Variants in BICC1 observed in about 807,000 individuals in gnomAD.
BICC1 encodes the protein BicC family RNA binding protein 1, also known as protein bicaudal C homolog 1.
A neutral mutation model predicts 111.0 loss-of-function variants in BICC1; 43 were observed. That is an observed-to-expected ratio of 0.39 (90% CI 0.30 to 0.50). BICC1 has a LOEUF of 0.50. Ranked by LOEUF, BICC1 falls within the 20% of genes least tolerant of loss-of-function variation. The pLI is 0.88. For synonymous variants in BICC1, 467 were observed against 434.4 expected (o/e 1.07, Z -0.93); for missense variants, 1,091 against 1,203.2 (o/e 0.91, Z 1.38).
At chr10:58,770,021 GTTTTAA>G (rs1484108098) in intron 3 of BICC1, among the ~76,000 whole-genome samples, 2 of 152,076 alleles carry the variant, frequency 1.3e-5, no homozygotes, top group Non-Finnish European at 1.5e-5. Flanking sequence ...GGTTCTTACA[GTTTTAA>G]TTATAATTGC....
At chr10:58,521,588 T>C (rs896116250) in intron 1 of BICC1, among the ~76,000 whole-genome samples, 2 of 152,056 alleles carry the variant, frequency 1.3e-5, no homozygotes, top group African/African-American at 2.4e-5. Flanking sequence ...CTGCTCCTTA[T>C]ACCTGCGGTT....
chr10:58,730,138 A>G (rs1229912507), intron 3 of BICC1, among the ~76,000 whole-genome samples: 2 of 152,230 alleles, frequency 1.3e-5, no homozygotes, highest in East Asian at 1.9e-4. Context: ...TACTTCCAAG[A>G]TACAATGAAG....
intron 1 of BICC1, among the ~76,000 whole-genome samples, chr10:58,600,005 G>A (rs1844974962): frequency 6.6e-6 from 1 of 151,760 alleles, no homozygotes. Context: ...CTTTTTGGAA[G>A]TTATTTGGAC....
intron 2 of BICC1, among the ~76,000 whole-genome samples, chr10:58,625,557 G>A (rs1169964283): frequency 2.0e-5 from 3 of 151,996 alleles, no homozygotes; most frequent in Non-Finnish European, 4.4e-5. Flanking sequence ...TGAATATATT[G>A]GATGTTTATT....
intron 3 of BICC1, among the ~76,000 whole-genome samples, chr10:58,763,351 T>C (rs1842371185): frequency 6.6e-6 from 1 of 152,302 alleles, no homozygotes; most frequent in East Asian, 1.9e-4. Context: ...ATTTTAAAAC[T>C]GTGAGAGTAT....
rs566385435 is a variant in BICC1 at position 58,614,158 on chromosome 10, G to A, written c.191-6697G>A. 5.9e-5 allele frequency among the ~76,000 whole-genome samples: 9 copies of A among 152,244 alleles called. No individual in the cohort carries two copies. In the South Asian group the frequency reaches 1.9e-3, roughly 32 times the overall value. On this transcript the variant is annotated intron_variant, in intron 1 of 20. Transcript: ENST00000373886. ...AGAAGAATCCGTGTTTGGGGGAAGA[G>A]AAGAAGACTTTTAGTGAAATGTCAC... is the stretch of plus-strand genomic sequence containing the variant.
chr10:58,715,947 A>G, intron 3 of BICC1: 8 of 1,375,444 alleles, frequency 5.8e-6, no homozygotes, highest in African/African-American at 1.4e-5. Flanking sequence ...GAAAATGAAG[A>G]AAGAAAAAGA....
chr10:58,558,026 C>T (rs1438045897), intron 1 of BICC1, among the ~76,000 whole-genome samples: 3 of 152,040 alleles, frequency 2.0e-5, no homozygotes, highest in African/African-American at 4.8e-5. Flanking sequence ...TCAGGTAGGA[C>T]CAGAGCAGCA....
chr10:58,799,326 C>A, intron 12 of BICC1, 74 bp downstream of exon 12: 2 of 1,227,328 alleles, frequency 1.6e-6, no homozygotes, highest in Non-Finnish European at 2.2e-6. Context: ...AAAGTTAAAA[C>A]ATGCTAGAAT....
intron 3 of BICC1, among the ~76,000 whole-genome samples, chr10:58,709,397 A>T (rs890433488): frequency 6.6e-6 from 1 of 152,238 alleles, no homozygotes; most frequent in African/African-American, 2.4e-5. Context: ...GTGCAAACAT[A>T]CACCTGTGCA....
intron 3 of BICC1, among the ~76,000 whole-genome samples, chr10:58,730,559 C>T (rs1469910193): frequency 6.6e-6 from 1 of 152,212 alleles, no homozygotes; most frequent in Non-Finnish European, 1.5e-5. Context: ...TTCTCCTCCA[C>T]ACTACCCTAT....
intron 8 of BICC1, among the ~76,000 whole-genome samples, chr10:58,791,307 A>G (rs1843168307): frequency 6.6e-6 from 1 of 152,236 alleles, no homozygotes; most frequent in South Asian, 2.1e-4. Flanking sequence ...ATTAATGCAC[A>G]TTTATACTTT....
intron 3 of BICC1, among the ~76,000 whole-genome samples, chr10:58,751,435 C>T (rs976580744): frequency 6.6e-6 from 1 of 152,100 alleles, no homozygotes; most frequent in Non-Finnish European, 1.5e-5. Flanking sequence ...TAAAAACTAT[C>T]AGCTGTTAAT....
At chr10:58,600,340 G>A (rs1375979599) in intron 1 of BICC1, among the ~76,000 whole-genome samples, 1 of 152,102 alleles carries the variant, frequency 6.6e-6, no homozygotes, top group Non-Finnish European at 1.5e-5. Flanking sequence ...CAGTTAAGCT[G>A]ACTGCATTTT....
intron 3 of BICC1, among the ~76,000 whole-genome samples, chr10:58,777,182 A>G (rs917926863): frequency 6.6e-6 from 1 of 151,562 alleles, no homozygotes; most frequent in Non-Finnish European, 1.5e-5. Flanking sequence ...GATTATTTCT[A>G]GACTTTTTTG....
chr10:58,527,497 C>T (rs1445137863), intron 1 of BICC1, among the ~76,000 whole-genome samples: 1 of 152,168 alleles, frequency 6.6e-6, no homozygotes, highest in Non-Finnish European at 1.5e-5. Flanking sequence ...AGTCCTTGCC[C>T]ATGCCTGTGT....
rs577442722 is a variant in BICC1, at chr10:58,710,951, T to C, written c.307+8808T>C. Among the ~76,000 whole-genome samples the C allele has an allele frequency of 3.0e-4, 46 of 152,148 alleles. No homozygotes were observed. The Middle Eastern group carries it at 0.01, about 34-fold the overall frequency. Reference sequence around the variant, plus strand: ...GCAGCCTTGGCCTCCATGACTTAAGTGATCATCTCACCTCAGCCTCCCAAG... The same window carrying C: ...GCAGCCTTGGCCTCCATGACTTAAGCGATCATCTCACCTCAGCCTCCCAAG... On this transcript the variant is annotated intron_variant, in intron 3 of 20. Transcript: ENST00000373886.
chr10:58,624,987 C>A (rs1845943026), intron 2 of BICC1, among the ~76,000 whole-genome samples: 1 of 152,068 alleles, frequency 6.6e-6, no homozygotes, highest in Non-Finnish European at 1.5e-5. Context: ...TTAATATTCC[C>A]TGTTTGATGG....
At chr10:58,721,735 A>C (rs74151711) in intron 3 of BICC1, among the ~76,000 whole-genome samples, 1 of 152,250 alleles carries the variant, frequency 6.6e-6, no homozygotes, top group Non-Finnish European at 1.5e-5. Flanking sequence ...AAGTCAGGAA[A>C]AATAATTTTC....
Sources: gnomAD v4.1 joint callset for allele counts (sites outside exome capture counted in the v4.1 genomes callset) on GRCh38, gnomAD v4.1.1 for gene constraint, MANE v1.5 for transcripts, NCBI Gene and HGNC (gene_info 2026-07-23, HGNC 2026-07-21) for gene names.